ALG6: variants seen among roughly 807,000 people sequenced by gnomAD.
ALG6 encodes ALG6 alpha-1,3-glucosyltransferase, also known as dolichyl pyrophosphate Man9GlcNAc2 alpha-1,3-glucosyltransferase.
ALG6 carries 46 observed loss-of-function variants against 66.6 expected under a neutral mutation model. The observed-to-expected ratio is 0.69, with a 90% confidence interval of 0.55 to 0.88. The LOEUF is 0.88. Ranked by LOEUF, ALG6 falls within the 40% of genes least tolerant of loss-of-function variation. The pLI is 0.00. For synonymous variants in ALG6, 185 were observed against 203.7 expected, an observed-to-expected ratio of 0.91 and a Z score of 0.78; for missense variants, 505 against 586.8, an observed-to-expected ratio of 0.86 and a Z score of 1.44.
intron 11 of ALG6, among the ~76,000 whole-genome samples, chr1:63,418,889 A>G (rs1415247163): frequency 6.6e-6 from 1 of 152,242 alleles, no homozygotes; most frequent in East Asian, 1.9e-4. Flanking sequence ...CAGAATATAA[A>G]CTTCTCAAAA....
Position 63,428,733 on chromosome 1 carries a change from A to G in ALG6, c.1059A>G (p.Leu353=), listed in dbSNP as rs775181139. 1 of 1,598,248 alleles carries G rather than the reference A, an allele frequency of 6.3e-7. No individual in the cohort carries two copies. Residue 353 remains leucine, a splice_region_variant and synonymous_variant, in exon 13 of 15, where the codon CTA becomes CTG. Coordinates refer to ENST00000263440, the MANE Select transcript of ALG6 (RefSeq NM_013339.4). ...VHEKSILLVS[L]PVCLVLSEIP... The stretch of plus-strand genomic sequence containing the variant: ...AATATTTTTTTCTTTACGATTTTAG[A>G]CCAGTCTGCTTAGTTTTAAGTGAAA...
intron 11 of ALG6, among the ~76,000 whole-genome samples, chr1:63,416,946 A>G (rs1465455111): frequency 6.6e-6 from 1 of 152,226 alleles, no homozygotes; most frequent in African/African-American, 2.4e-5. Context: ...TGGGACTGCC[A>G]TGTAAGTACG....
At chr1:63,418,998 GT>G (rs1327611204) in intron 11 of ALG6, among the ~76,000 whole-genome samples, 1 of 152,014 alleles carries the variant, frequency 6.6e-6, no homozygotes, top group East Asian at 1.9e-4. Flanking sequence ...AAATAGATTT[GT>G]TTTGCCGGTT....
At chr1:63,409,194 C>T (rs1644504649) in intron 7 of ALG6, among the ~76,000 whole-genome samples, 1 of 152,192 alleles carries the variant, frequency 6.6e-6, no homozygotes, top group South Asian at 2.1e-4. Context: ...ATTTGTAAAG[C>T]ACTTAAGACA....
intron 11 of ALG6, among the ~76,000 whole-genome samples, chr1:63,416,187 G>C (rs1470127332): frequency 6.6e-6 from 1 of 152,166 alleles, no homozygotes; most frequent in African/African-American, 2.4e-5. Context: ...TAGTTAATGA[G>C]GGACTACAAA....
intron 10 of ALG6, 108 bp downstream of exon 10, chr1:63,414,254 T>C: frequency 2.3e-6 from 2 of 869,174 alleles, no homozygotes; most frequent in South Asian, 3.1e-5. Context: ...GTTTTTCTTT[T>C]CTTTTTTTTT....
intron 10 of ALG6, 43 bp from the exon 11 acceptor site, chr1:63,415,830 C>A: frequency 7.6e-7 from 1 of 1,315,466 alleles, no homozygotes; most frequent in Non-Finnish European, 1.1e-6. Context: ...AGATTTATAC[C>A]TCTACAAAGA....
At chr1:63,390,867 G>A (rs957774910) in intron 2 of ALG6, among the ~76,000 whole-genome samples, 1 of 152,194 alleles carries the variant, frequency 6.6e-6, no homozygotes, top group African/African-American at 2.4e-5. Flanking sequence ...AGCTGCTGCT[G>A]GGGAATGGAG....
chr1:63,436,218 C>T (rs1198883337), intron 14 of ALG6, among the ~76,000 whole-genome samples: 2 of 151,930 alleles, frequency 1.3e-5, no homozygotes, highest in Admixed American at 1.3e-4. Context: ...TAATTTGATT[C>T]ATTTATTCAT....
At chr1:63,423,013 G>A (rs1463245240) in intron 12 of ALG6, among the ~76,000 whole-genome samples, 2 of 135,998 alleles carry the variant, frequency 1.5e-5, no homozygotes, top group Admixed American at 8.3e-5. Context: ...AAGACAAGTA[G>A]GGATAATGCA....
chr1:63,382,676 T>G (rs1161219642), intron 2 of ALG6, among the ~76,000 whole-genome samples: 1 of 129,740 alleles, frequency 7.7e-6, no homozygotes, highest in Non-Finnish European at 1.6e-5. Flanking sequence ...TTTTTTTTTT[T>G]TTGTTTTTTT....
intron 10 of ALG6, 146 bp downstream of exon 10, chr1:63,414,292 C>T: frequency 1.7e-6 from 1 of 605,648 alleles, no homozygotes; most frequent in Non-Finnish European, 2.8e-6. Flanking sequence ...GGCTCTGTCA[C>T]CCAGGTTGGA....
intron 2 of ALG6, among the ~76,000 whole-genome samples, chr1:63,382,241 G>T (rs554422013): frequency 1.3e-5 from 2 of 150,222 alleles, no homozygotes; most frequent in African/African-American, 2.5e-5. Flanking sequence ...TTGCTGTGTC[G>T]CCCAGAGTGG....
intron 2 of ALG6, among the ~76,000 whole-genome samples, chr1:63,387,413 A>G (rs1449151907): frequency 6.6e-6 from 1 of 151,842 alleles, no homozygotes; most frequent in Non-Finnish European, 1.5e-5. Context: ...TTTAGCTCTA[A>G]TAATATTTGT....
intron 2 of ALG6, among the ~76,000 whole-genome samples, chr1:63,380,176 G>A (rs1248779507): frequency 6.6e-6 from 1 of 152,146 alleles, no homozygotes; most frequent in Non-Finnish European, 1.5e-5. Flanking sequence ...TTTACAAAAT[G>A]AGGACCGGCC....
At chr1:63,377,540 TAAC>T (rs1202150965) in intron 2 of ALG6, among the ~76,000 whole-genome samples, 2 of 152,188 alleles carry the variant, frequency 1.3e-5, no homozygotes, top group Admixed American at 6.5e-5. Context: ...ATATTTAACT[TAAC>T]AAAGCCTAAA....
At chr1:63,378,655 T>G (rs1462829576) in intron 2 of ALG6, among the ~76,000 whole-genome samples, 1 of 152,204 alleles carries the variant, frequency 6.6e-6, no homozygotes, top group Non-Finnish European at 1.5e-5. Flanking sequence ...ATTGACTTTA[T>G]AGTTCTCAGT....
Position 63,437,002 on chromosome 1 carries a change from T to A in ALG6, c.1506T>A (p.Asn502Lys). Residue 502 changes from asparagine to lysine, a missense_variant, in exon 15 of 15, where the codon AAT (asparagine) becomes AAA (lysine). Physicochemically the swap from Asn to Lys is moderately conservative, Grantham distance 94. Coordinates refer to ENST00000263440, the MANE Select transcript of ALG6 (RefSeq NM_013339.4). ...IIMWDSKSGR[N>K]QKKIS ...TGTGGGATTCCAAAAGTGGAAGAAATCAGAAGAAAATCAGCTAGCTGTATT... is the reference window on the plus strand; with the variant it reads ...TGTGGGATTCCAAAAGTGGAAGAAAACAGAAGAAAATCAGCTAGCTGTATT... 1 of 1,613,094 alleles carries A rather than the reference T, an allele frequency of 6.2e-7. No homozygotes were observed. Among genetic ancestry groups the A allele is most frequent in the Non-Finnish European group, 8.5e-7 (1 of 1,179,368 alleles).
chr1:63,392,952 C>G (rs935789866), intron 2 of ALG6, among the ~76,000 whole-genome samples: 4 of 152,202 alleles, frequency 2.6e-5, no homozygotes, highest in Non-Finnish European at 5.9e-5. Flanking sequence ...TAAAGAGAGT[C>G]ATTATCCATT....
Sources: allele counts gnomAD v4.1 joint callset (sites outside exome capture counted in the v4.1 genomes callset), GRCh38; gene constraint gnomAD v4.1.1; transcripts MANE v1.5; gene names NCBI Gene and HGNC (gene_info 2026-07-23, HGNC 2026-07-21).